The following PDE10A variants were observed in gnomAD, a reference collection of about 807,000 sequenced individuals.
PDE10A encodes phosphodiesterase 10A, also known as cAMP and cAMP-inhibited cGMP 3',5'-cyclic phosphodiesterase 10A.
PDE10A carries 39 observed loss-of-function variants against 97.7 expected under a neutral mutation model. That is an observed-to-expected ratio of 0.40 (90% CI 0.31 to 0.52). PDE10A has a LOEUF of 0.52. PDE10A is among the 20% of genes least tolerant of loss of function. The pLI, the probability that PDE10A is intolerant of heterozygous loss-of-function variation, is 0.56. For missense variants in PDE10A, 731 were observed against 1,047.8 expected, an observed-to-expected ratio of 0.70 and a Z score of 4.17; for synonymous variants, 371 against 376.8, an observed-to-expected ratio of 0.98 and a Z score of 0.18.
chr6:165,478,020 C>G (rs1325936331), intron 3 of PDE10A, among the ~76,000 whole-genome samples: 2 of 152,126 alleles, frequency 1.3e-5, no homozygotes, highest in East Asian at 3.9e-4. Flanking sequence ...GTCACCTACT[C>G]CCACGGCCTT....
chr6:165,620,292 C>A (rs1353982801), intron 1 of PDE10A, among the ~76,000 whole-genome samples: 2 of 152,128 alleles, frequency 1.3e-5, no homozygotes, highest in African/African-American at 2.4e-5. Context: ...CCACCCTGGC[C>A]AGGCAGTATC....
intron 1 of PDE10A, among the ~76,000 whole-genome samples, chr6:165,645,144 C>CT (rs1465038049): frequency 6.6e-6 from 1 of 152,164 alleles, no homozygotes; most frequent in South Asian, 2.1e-4. Flanking sequence ...CTGAGCCTTG[C>CT]TGCTTTCATC....
intron 1 of PDE10A, among the ~76,000 whole-genome samples, chr6:165,794,308 G>A (rs1327425154): frequency 6.9e-6 from 1 of 144,956 alleles, no homozygotes; most frequent in African/African-American, 2.6e-5. Flanking sequence ...ACTCACACAC[G>A]CTCACACATA....
chr6:165,900,855 A>G (rs1186779549), intron 1 of PDE10A, among the ~76,000 whole-genome samples: 13 of 152,232 alleles, frequency 8.5e-5, no homozygotes, highest in Non-Finnish European at 1.3e-4. Context: ...ATTACACAGC[A>G]AAATATACGA....
chr6:165,734,571 A>C (rs1040774001), intron 1 of PDE10A, among the ~76,000 whole-genome samples: 2 of 152,250 alleles, frequency 1.3e-5, no homozygotes, highest in Non-Finnish European at 2.9e-5. Flanking sequence ...TTCTAGAAAT[A>C]AAAATACAGT....
intron 18 of PDE10A, among the ~76,000 whole-genome samples, chr6:165,347,189 T>C (rs1334782935): frequency 1.3e-5 from 2 of 152,128 alleles, no homozygotes; most frequent in East Asian, 1.9e-4. Flanking sequence ...CTACTATACC[T>C]TCATCAAAAT....
At chr6:165,932,715 G>C (rs1448521815) in intron 1 of PDE10A, among the ~76,000 whole-genome samples, 2 of 152,098 alleles carry the variant, frequency 1.3e-5, no homozygotes, top group Non-Finnish European at 2.9e-5. Context: ...CAGGTGATCT[G>C]CCCGCATCAG....
chr6:165,767,159 A>T (rs764077231), intron 1 of PDE10A, among the ~76,000 whole-genome samples: 6 of 152,174 alleles, frequency 3.9e-5, no homozygotes, highest in African/African-American at 7.2e-5. Context: ...CTTTGCCTTA[A>T]GTTCCCTAAA....
chr6:165,577,087 G>C (rs979899417), intron 1 of PDE10A, among the ~76,000 whole-genome samples: 1 of 152,230 alleles, frequency 6.6e-6, no homozygotes, highest in African/African-American at 2.4e-5. Flanking sequence ...TCCAAAGGGT[G>C]TGAGTAACTG....
chr6:165,635,075 G>A (rs1269372225), intron 1 of PDE10A, among the ~76,000 whole-genome samples: 1 of 152,138 alleles, frequency 6.6e-6, no homozygotes, highest in Admixed American at 6.5e-5. Context: ...GGAGGTAGAG[G>A]GGACATTCCT....
chr6:165,429,274 G>C (rs1378062113), intron 9 of PDE10A, among the ~76,000 whole-genome samples: 3 of 151,866 alleles, frequency 2.0e-5, no homozygotes, highest in Non-Finnish European at 4.4e-5. Flanking sequence ...ATGTTTCAGA[G>C]GCAAATAGTG....
chr6:165,975,160 G>A lies in PDE10A; in HGVS notation c.-615+12369C>T, dbSNP rs545197999. ...TGCTGATAAACCGCCTTTCACTTAA[G>A]TTTATTCTCTTTGCGTGTTGCCACT... On this transcript the variant is annotated intron_variant, in intron 1 of 19. Transcript: ENST00000366882. 1.1e-3 allele frequency among the ~76,000 whole-genome samples: 170 copies of A among 152,316 alleles called. 3 individuals are homozygous for A. The highest frequency in any genetic ancestry group is 3.4e-3 in the Middle Eastern group (1 of 294).
intron 3 of PDE10A, among the ~76,000 whole-genome samples, chr6:165,463,092 G>C (rs1156586432): frequency 4.0e-4 from 61 of 152,198 alleles, no homozygotes; most frequent in Admixed American, 4.0e-3. Flanking sequence ...TCCCCTAAGG[G>C]GATGTTTAGC....
intron 1 of PDE10A, among the ~76,000 whole-genome samples, chr6:165,833,256 A>G (rs756155008): frequency 4.6e-5 from 7 of 152,216 alleles, no homozygotes; most frequent in Non-Finnish European, 7.3e-5. Context: ...GTCCTTGACA[A>G]GGAGCTAGAG....
At chr6:165,589,400 A>G (rs1433511022) in intron 1 of PDE10A, among the ~76,000 whole-genome samples, 2 of 152,242 alleles carry the variant, frequency 1.3e-5, no homozygotes, top group Non-Finnish European at 2.9e-5. Flanking sequence ...CTTTATATTT[A>G]AAATGCATTG....
chr6:165,746,630 G>A (rs532383781), intron 1 of PDE10A, among the ~76,000 whole-genome samples: 56 of 152,300 alleles, frequency 3.7e-4, no homozygotes, highest in East Asian at 1.2e-3. Context: ...CTGTGCACGC[G>A]CAGGGAAGAG....
intron 18 of PDE10A, among the ~76,000 whole-genome samples, chr6:165,353,805 A>C (rs1428318469): frequency 6.6e-6 from 1 of 152,176 alleles, no homozygotes; most frequent in East Asian, 1.9e-4. Context: ...AAAATGGTGG[A>C]TACGTTTGTC....
At chr6:165,726,073 C>G (rs887910096) in intron 1 of PDE10A, among the ~76,000 whole-genome samples, 75 of 152,272 alleles carry the variant, frequency 4.9e-4, no homozygotes, top group African/African-American at 1.7e-3. Context: ...TTAATATAGA[C>G]AAGAACATAA....
At chr6:165,660,500 T>C (rs1407436392) in intron 1 of PDE10A, 1 of 152,320 alleles carries the variant, frequency 6.6e-6, no homozygotes, top group East Asian at 1.9e-4. Context: ...GCGGCCGCCG[T>C]GGACTCGCCC....
Sources: gnomAD v4.1 joint callset for allele counts (sites outside exome capture counted in the v4.1 genomes callset) on GRCh38, gnomAD v4.1.1 for gene constraint, MANE v1.5 for transcripts, NCBI Gene and HGNC (gene_info 2026-07-23, HGNC 2026-07-21) for gene names.